CHPT1: variants seen among roughly 807,000 people sequenced by gnomAD.
The protein encoded by CHPT1 is cholinephosphotransferase 1.
In CHPT1, 36 loss-of-function variants were observed where a neutral mutation model predicts 47.6. The ratio of observed to expected loss-of-function variants is 0.76; its 90% CI spans 0.58 to 1.00. CHPT1 has a LOEUF of 1.00. Among genes scored for constraint, CHPT1 ranks in the 50% least tolerant of loss-of-function variants. The pLI is 0.00. For synonymous variants in CHPT1, 194 were observed against 186.3 expected, an observed-to-expected ratio of 1.04 and a Z score of -0.33; for missense variants, 458 against 498.1, an observed-to-expected ratio of 0.92 and a Z score of 0.77.
intron 8 of CHPT1, 104 bp from the exon 9 acceptor site, chr12:101,728,795 GTC>G: frequency 7.7e-7 from 1 of 1,293,300 alleles, no homozygotes; most frequent in East Asian, 2.4e-5. Context: ...AGAAAGGGAG[GTC>G]TTACAATGAA....
chr12:101,700,712 C>G (rs1951542897), intron 1 of CHPT1, among the ~76,000 whole-genome samples: 1 of 141,456 alleles, frequency 7.1e-6, no homozygotes, highest in South Asian at 2.3e-4. Flanking sequence ...GCATTTGTGT[C>G]TTGTTATCAG....
intron 4 of CHPT1, chr12:101,717,113 A>C: frequency 2.6e-6 from 1 of 389,732 alleles, no homozygotes; most frequent in South Asian, 2.2e-5. Flanking sequence ...CATTGGAATA[A>C]CTTTTTCCAG....
chr12:101,699,054 A>C (rs2559852), intron 1 of CHPT1, among the ~76,000 whole-genome samples: 1 of 152,138 alleles, frequency 6.6e-6, no homozygotes, highest in South Asian at 2.1e-4. Context: ...AATACAGTGG[A>C]AATATTTCAT....
chr12:101,716,984 G>A (rs1448414376), intron 4 of CHPT1, among the ~76,000 whole-genome samples, 172 bp downstream of exon 4: 3 of 147,708 alleles, frequency 2.0e-5, no homozygotes, highest in Non-Finnish European at 4.5e-5. Context: ...ATTTTATAAT[G>A]TGTATTATCC....
intron 6 of CHPT1, 131 bp downstream of exon 6, chr12:101,723,457 C>T (rs991362732): frequency 1.6e-5 from 10 of 643,620 alleles, no homozygotes; most frequent in African/African-American, 1.1e-4. Flanking sequence ...ATTTGTGCTC[C>T]AAGCAAAACT....
intron 8 of CHPT1, chr12:101,726,788 T>A (rs1009023951): frequency 1.2e-5 from 3 of 241,580 alleles, no homozygotes; most frequent in Non-Finnish European, 2.4e-5. Flanking sequence ...ATTTTAGCCA[T>A]CTTGAGGGTG....
Position 101,700,591 on chromosome 12 carries a change from C to T in CHPT1, c.273+2457C>T, listed in dbSNP as rs80051584. On this transcript the variant is annotated intron_variant, in intron 1 of 8. Transcript: ENST00000229266. Reference sequence around the variant, plus strand: ...TTTTCTCTTAAGTTCATAGAACTAGCAAATGACTGGATCAGGTAGGATTCA... The same window carrying T: ...TTTTCTCTTAAGTTCATAGAACTAGTAAATGACTGGATCAGGTAGGATTCA... 7.0e-3 allele frequency among the ~76,000 whole-genome samples: 1,069 copies of T among 152,238 alleles called. 12 individuals are homozygous for T. Among genetic ancestry groups the T allele is most frequent in the African/African-American group, 0.024 (997 of 41,544 alleles).
At position 101,710,066 on chromosome 12, in the gene CHPT1, T is replaced by C. The variant is rs1951685282; in HGVS notation, c.274-4024T>C. On this transcript the variant is annotated intron_variant, in intron 1 of 8. Transcript: ENST00000229266. ...TACATTAGAAATGCTGTTTATCAGCTGGGTGTGGTGGCTCACGCCTGTAAT... is the reference window on the plus strand; with the variant it reads ...TACATTAGAAATGCTGTTTATCAGCCGGGTGTGGTGGCTCACGCCTGTAAT... 1.3e-5 allele frequency among the ~76,000 whole-genome samples: 2 copies of C among 149,302 alleles called. 1 individual carries two copies.
Position 101,698,085 on chromosome 12 carries a change from T to G in CHPT1, c.224T>G (p.Val75Gly). ...SITLLGLAVN[V>G]VTTLVLISYC... ...ACCCTGCTGGGGCTCGCCGTCAACG[T>G]GGTCACCACGCTCGTGCTCATCTCC... The change falls in exon 1 of 9, where the codon GTG becomes GGG. Residue 75 changes from valine (V) to glycine (G), a missense_variant. Physicochemically the swap from Val to Gly is moderately radical, Grantham distance 109 (BLOSUM62 -3). Coordinates refer to ENST00000229266, the MANE Select transcript of CHPT1 (RefSeq NM_020244.3). 1 of 1,566,244 alleles carries G rather than the reference T, an allele frequency of 6.4e-7. No homozygotes were observed. The highest frequency in any genetic ancestry group is 8.6e-7 in the Non-Finnish European group (1 of 1,164,316).
rs560783909 is a variant in CHPT1, at chr12:101,720,132, C to T, written c.658C>T (p.Leu220=). 1 of 1,589,532 alleles carries T rather than the reference C, an allele frequency of 6.3e-7. No individual in the cohort carries two copies. Among genetic ancestry groups the T allele is most frequent in the Non-Finnish European group, 8.6e-7 (1 of 1,169,382 alleles). ...TCTTCTACCCCTAAAGATTCCTATT[C>T]TAGAAATAAAATTGAAGATCCTTCC... ...ATMWDYTIPI[L]EIKLKILPVL... Residue 220 remains leucine, a synonymous_variant, in exon 5 of 9, where the codon CTA becomes TTA. Transcript: ENST00000229266.
Position 101,714,720 on chromosome 12 carries a change from G to A in CHPT1, c.563+75G>A, listed in dbSNP as rs989862889. On this transcript the variant is annotated intron_variant, in intron 3 of 8. Transcript: ENST00000229266. Reference sequence around the variant, plus strand: ...TGCACAATCTGTTATGTCATTCATCGATAATAAGGAGAACAAATCTTCAAT... The same window carrying A: ...TGCACAATCTGTTATGTCATTCATCAATAATAAGGAGAACAAATCTTCAAT... 32 of 1,399,552 alleles carry A rather than the reference G, an allele frequency of 2.3e-5. No individual in the cohort carries two copies. In the East Asian group the frequency reaches 3.5e-4, roughly 15 times the overall value. The allele number at this position is 1,399,552 out of a possible 1,614,324, so 86.7% of individuals were successfully genotyped here. A position where few individuals can be genotyped will look rare whatever the true frequency, so the allele number is the denominator to read the frequency against.
At position 101,698,076 on chromosome 12, in the gene CHPT1, C is replaced by T; in HGVS notation, c.215C>T (p.Ala72Val). 6.4e-7 allele frequency: 1 copy of T among 1,568,048 alleles called. No individual in the cohort carries two copies. The highest frequency in any genetic ancestry group is 8.6e-7 in the Non-Finnish European group (1 of 1,165,358). The change falls in exon 1 of 9, where the codon GCC becomes GTC. Residue 72 changes from alanine to valine, a missense_variant. By Grantham distance (64) the Ala-to-Val change is moderately conservative. Coordinates refer to ENST00000229266, the MANE Select transcript of CHPT1 (RefSeq NM_020244.3). ...APNSITLLGL[A>V]VNVVTTLVLI... is the part of the protein sequence containing the mutation. ...AACTCCATCACCCTGCTGGGGCTCGCCGTCAACGTGGTCACCACGCTCGTG... is the reference window on the plus strand; with the variant it reads ...AACTCCATCACCCTGCTGGGGCTCGTCGTCAACGTGGTCACCACGCTCGTG...
At chr12:101,707,105 G>C (rs1264704494) in intron 1 of CHPT1, among the ~76,000 whole-genome samples, 8 of 152,216 alleles carry the variant, frequency 5.3e-5, no homozygotes, top group South Asian at 2.1e-4. Context: ...GGAATGACTG[G>C]AGATAGGTAG....
chr12:101,719,960 A>T (rs1367206983), intron 4 of CHPT1, 163 bp from the exon 5 acceptor site: 3 of 430,034 alleles, frequency 7.0e-6, no homozygotes, highest in Admixed American at 4.4e-5. Context: ...AAAGTTAAAA[A>T]AAAGTTTTTA....
At position 101,728,899 on chromosome 12, in the gene CHPT1, A is replaced by G. The variant is rs1467428294; in HGVS notation, c.1177-2A>G. 1 of 1,613,374 alleles carries G rather than the reference A, an allele frequency of 6.2e-7. No homozygotes were observed. Among genetic ancestry groups the G allele is most frequent in the South Asian group, 1.1e-5 (1 of 91,044 alleles). Reference sequence around the variant, plus strand: ...ACGTTATAATTGTATCATATTACTTAGGTTCAAGTTCTTTCTTCAAAGAGT... The same window carrying G: ...ACGTTATAATTGTATCATATTACTTGGGTTCAAGTTCTTTCTTCAAAGAGT... On this transcript the variant is annotated splice_acceptor_variant, in intron 8 of 8. Transcript: ENST00000229266. LOFTEE classifies it high-confidence loss of function.
chr12:101,717,104 A>G (rs1241678931), intron 4 of CHPT1: 1 of 392,182 alleles, frequency 2.5e-6, no homozygotes. Context: ...AAAAACACAC[A>G]TTGGAATAAC....
chr12:101,725,557 C>A (rs1445304423), intron 7 of CHPT1, among the ~76,000 whole-genome samples: 1 of 151,318 alleles, frequency 6.6e-6, no homozygotes, highest in Non-Finnish European at 1.5e-5. Flanking sequence ...TGGTTTACAC[C>A]TGTGATGGAG....
At position 101,712,866 on chromosome 12, in the gene CHPT1, G is replaced by A. The variant is rs912749661; in HGVS notation, c.274-1224G>A. ...TAATTCTATTACTTCTGTTCATATT[G>A]ATTCTGATTGTATTCTGATTATATG... On this transcript the variant is annotated intron_variant, in intron 1 of 8. Transcript: ENST00000229266. Among the ~76,000 whole-genome samples the A allele has an allele frequency of 2.0e-5, 3 of 148,314 alleles. No individual in the cohort carries two copies. The Admixed American group carries it at 2.1e-4, about 10-fold the overall frequency.
chr12:101,706,779 T>C (rs1377462769), intron 1 of CHPT1, among the ~76,000 whole-genome samples: 1 of 152,372 alleles, frequency 6.6e-6, no homozygotes, highest in African/African-American at 2.4e-5. Context: ...TAATGACTTA[T>C]GTGGAATTAC....
Sources: gnomAD v4.1 joint callset for allele counts (sites outside exome capture counted in the v4.1 genomes callset) on GRCh38, gnomAD v4.1.1 for gene constraint, MANE v1.5 for transcripts, NCBI Gene and HGNC (gene_info 2026-07-23, HGNC 2026-07-21) for gene names.